ZNF587B: variants seen among roughly 807,000 people sequenced by gnomAD.
ZNF587B encodes zinc finger protein 587B.
A neutral mutation model predicts 7.2 loss-of-function variants in ZNF587B; 6 were observed. The observed-to-expected ratio is 0.83, with a 90% CI of 0.46 to 1.65. The LOEUF is 1.65. Ranked by LOEUF, ZNF587B falls within the 40% of genes most tolerant of loss-of-function variation. ZNF587B has a pLI of 0.01. For missense variants in ZNF587B, 749 were observed against 761.0 expected (o/e 0.98, Z 0.19); for synonymous variants, 274 against 254.3 (o/e 1.08, Z -0.74).
chr19:57,841,613 T>C lies in ZNF587B; in HGVS notation c.939T>C (p.Leu313=), dbSNP rs758356624. The change falls in exon 3 of 3, where the codon CTT becomes CTC. Residue 313 remains leucine, a synonymous_variant. Coordinates refer to ENST00000594901, the MANE Select transcript of ZNF587B (RefSeq NM_001376223.1). ...AATATTTTAGCTTAGAAGGATATCT[T>C]AGGCGCCATCAAAAAGTTCACGCTG... ...CGKYFSLEGY[L]RRHQKVHAGK... is the part of the protein sequence containing the mutation. The C allele has an allele frequency of 6.3e-7, 1 of 1,585,502 alleles. No homozygotes were observed. Among genetic ancestry groups the C allele is most frequent in the South Asian group, 1.1e-5 (1 of 87,912 alleles).
At chr19:57,838,930 G>A in intron 1 of ZNF587B, 93 bp from the exon 2 acceptor site, 3 of 1,446,450 alleles carry the variant, frequency 2.1e-6, no homozygotes, top group Admixed American at 2.0e-5. Context: ...GACCTTGAGA[G>A]GAGGATGTGC....
rs138980053 is a variant in ZNF587B, at chr19:57,842,142, G to T, written c.1468G>T (p.Gly490Ter). The T allele has an allele frequency of 6.8e-6, 11 of 1,612,070 alleles. No individual in the cohort carries two copies. In the East Asian group the frequency reaches 2.5e-4, roughly 36 times the overall value. Reference sequence around the variant, plus strand: ...CCTTGTACACCAGAGAATTCACAGTGGAGAGAAGCCATATGCTTGTGAGGC... The same window carrying T: ...CCTTGTACACCAGAGAATTCACAGTTGAGAGAAGCCATATGCTTGTGAGGC... Reference protein sequence around the residue: ...HLLVHQRIHSGEKPYACEACQ... With the variant: ...HLLVHQRIHS The change falls in exon 3 of 3, where the codon GGA (glycine) becomes TGA (stop). Residue 490 changes from glycine to a stop codon, truncating the protein, a stop_gained. Transcript: ENST00000594901. LOFTEE classifies it low-confidence loss of function (END_TRUNC).
At chr19:57,838,096 C>T in intron 1 of ZNF587B, among the ~76,000 whole-genome samples, 1 of 151,772 alleles carries the variant, frequency 6.6e-6, no homozygotes. Context: ...ATCACAAAGT[C>T]AGGAGTTCGA....
chr19:57,842,842 T>C lies in ZNF587B; in HGVS notation c.*266T>C. 8.1e-6 allele frequency: 8 copies of C among 985,394 alleles called. No individual in the cohort carries two copies. Among genetic ancestry groups the C allele is most frequent in the Non-Finnish European group, 9.6e-6 (8 of 829,930 alleles). The allele number at this position is 985,394 out of a possible 1,614,324, so 61.0% of individuals were successfully genotyped here. ...AATATAGGCTATTTATCCAGAAGTC[T>C]GGCTTCAAAACTCACAGGAGAGCTG... On this transcript the variant is annotated 3_prime_UTR_variant, in exon 3 of 3. Transcript: ENST00000594901.
At position 57,844,331 on chromosome 19, in the gene ZNF587B, T is replaced by A. The variant is rs8103104; in HGVS notation, c.*1755T>A. 3.1e-6 allele frequency: 1 copy of A among 326,578 alleles called. No individual in the cohort carries two copies. Among genetic ancestry groups the A allele is most frequent in the South Asian group, 2.1e-5 (1 of 48,208 alleles). The allele number at this position is 326,578 out of a possible 1,614,324, so 20.2% of individuals were successfully genotyped here. On this transcript the variant is annotated 3_prime_UTR_variant, in exon 3 of 3. Transcript: ENST00000594901. ...CAGCCTGGGCAATATAGTGAAATCCTGTCTCTTCTAAAAATATAAAAATTA... is the reference window on the plus strand; with the variant it reads ...CAGCCTGGGCAATATAGTGAAATCCAGTCTCTTCTAAAAATATAAAAATTA...
In ZNF587B at chr19:57,830,469, G is replaced by T. The variant is rs1223511687; in HGVS notation, c.-60G>T. On this transcript the variant is annotated 5_prime_UTR_variant, in exon 1 of 3. The change abolishes an upstream ATG in the 5' untranslated region. Coordinates refer to ENST00000594901, the MANE Select transcript of ZNF587B (RefSeq NM_001376223.1). ...CCTGGGCCAGGATAGGGACCGTCAT[G>T]CCCATATCTCCTGGCTGGTCACCCT... 7.8e-6 allele frequency: 12 copies of T among 1,538,700 alleles called. No individual in the cohort carries two copies. Among genetic ancestry groups the T allele is most frequent in the Non-Finnish European group, 9.7e-6 (11 of 1,139,840 alleles).
Position 57,843,362 on chromosome 19 carries a change from C to T in ZNF587B, c.*786C>T. On this transcript the variant is annotated 3_prime_UTR_variant, in exon 3 of 3. Transcript: ENST00000594901. ...CCATGTGCCCAAATTGAAAAAACTC[C>T]AGGCATGTGGCATCTGTATTATATT... is the stretch of plus-strand genomic sequence containing the variant. 5.1e-6 allele frequency: 5 copies of T among 985,342 alleles called. No homozygotes were observed. The highest frequency in any genetic ancestry group is 6.0e-6 in the Non-Finnish European group (5 of 829,916). The allele number at this position is 985,342 out of a possible 1,614,324, so 61.0% of individuals were successfully genotyped here. A position where few individuals can be genotyped will look rare whatever the true frequency, so the allele number is the denominator to read the frequency against.
Position 57,830,330 on chromosome 19 carries a change from T to A in ZNF587B, c.-199T>A. 1 of 545,914 alleles carries A rather than the reference T, an allele frequency of 1.8e-6. No individual in the cohort carries two copies. The highest frequency in any genetic ancestry group is 3.3e-5 in the Admixed American group (1 of 30,370). 33.8% of individuals were successfully genotyped at this position (545,914 alleles called of 1,614,324 possible). On this transcript the variant is annotated 5_prime_UTR_variant, in exon 1 of 3. Coordinates refer to ENST00000594901, the MANE Select transcript of ZNF587B (RefSeq NM_001376223.1). Reference sequence around the variant, plus strand: ...TGTTGGGTTTATTTGTCGGAGAGGCTCCTGAGCGCTAGGTCGGCACTGCGG... The same window carrying A: ...TGTTGGGTTTATTTGTCGGAGAGGCACCTGAGCGCTAGGTCGGCACTGCGG...
rs1568501741 is a variant in ZNF587B, at chr19:57,843,568, TTGG to T, written c.*994_*996del. 7.6e-5 allele frequency: 71 copies of T among 933,650 alleles called. 4 individuals are homozygous for T. Among genetic ancestry groups the T allele is most frequent in the Admixed American group, 2.0e-4 (3 of 15,118 alleles). 57.8% of individuals were successfully genotyped at this position (933,650 alleles called of 1,614,324 possible). On this transcript the variant is annotated 3_prime_UTR_variant, in exon 3 of 3. Transcript: ENST00000594901. Reference sequence around the variant, plus strand: ...TTTTTTTTTTAAGTTTTTTGTTTGGTTGGTTGGTTGGTTGGTTGGTTGTTTTTT... The same window carrying T: ...TTTTTTTTTTAAGTTTTTTGTTTGGTTTGGTTGGTTGGTTGGTTGTTTTTT...
Position 57,841,348 on chromosome 19 carries a change from C to T in ZNF587B, c.674C>T (p.Thr225Ile), listed in dbSNP as rs772829799. 6.2e-7 allele frequency: 1 copy of T among 1,603,304 alleles called. No individual in the cohort carries two copies. Among genetic ancestry groups the T allele is most frequent in the South Asian group, 1.1e-5 (1 of 90,088 alleles). ...GGAGATTCCATGAAACATTTTAGCA[C>T]CAAACATATACTCAGTCAGCACCAG... ...SHGDSMKHFS[T>I]KHILSQHQRL... The change falls in exon 3 of 3, where the codon ACC becomes ATC. Residue 225 changes from threonine (T) to isoleucine (I), a missense_variant. Physicochemically the swap from Thr to Ile is moderately conservative, Grantham distance 89 (BLOSUM62 -1). Transcript: ENST00000594901.
Position 57,842,311 on chromosome 19 carries a change from G to A in ZNF587B, c.1637G>A (p.Gly546Asp). 6.2e-7 allele frequency: 1 copy of A among 1,610,496 alleles called. No homozygotes were observed. The highest frequency in any genetic ancestry group is 8.5e-7 in the Non-Finnish European group (1 of 1,178,420). Residue 546 changes from glycine (G) to aspartate (D), a missense_variant, in exon 3 of 3, where the codon GGT becomes GAT. This residue lies in a region of ZNF587B where 656 missense variants were observed against 596.5 expected (regional missense o/e 1.10). Transcript: ENST00000594901. ...ATTGTTCATAAGAGAGTTCACACTG[G>A]TCAGAAGCCTTATGAGTGCAGTGAA... ...AFIVHKRVHT[G>D]QKPYECSECG...
chr19:57,842,131 G>T lies in ZNF587B; in HGVS notation c.1457G>T (p.Arg486Ile), dbSNP rs946038363. 5.4e-5 allele frequency: 87 copies of T among 1,611,256 alleles called. No homozygotes were observed. Among genetic ancestry groups the T allele is most frequent in the Non-Finnish European group, 6.9e-5 (81 of 1,178,564 alleles). Residue 486 changes from arginine (R) to isoleucine (I), a missense_variant, in exon 3 of 3, where the codon AGA becomes ATA. Physicochemically the swap from Arg to Ile is moderately conservative, Grantham distance 97. Coordinates refer to ENST00000594901, the MANE Select transcript of ZNF587B (RefSeq NM_001376223.1). ...AAGTCTCACCTCCTTGTACACCAGAGAATTCACAGTGGAGAGAAGCCATAT... is the reference window on the plus strand; with the variant it reads ...AAGTCTCACCTCCTTGTACACCAGATAATTCACAGTGGAGAGAAGCCATAT... ...KKKSHLLVHQRIHSGEKPYAC... is the reference protein window; with the variant it reads ...KKKSHLLVHQIIHSGEKPYAC...
In ZNF587B at chr19:57,838,832, G is replaced by A. The variant is rs2122230671; in HGVS notation, c.37-191G>A. Among the ~76,000 whole-genome samples the A allele has an allele frequency of 1.3e-5, 2 of 152,152 alleles. 1 individual carries two copies. Among genetic ancestry groups the A allele is most frequent in the East Asian group, 3.9e-4 (2 of 5,190 alleles). ...AGGAGTGGGTGGACTTTATGTCACA[G>A]CCACTGCACAGATACCTATTTGTTC... On this transcript the variant is annotated intron_variant, in intron 1 of 2. Coordinates refer to ENST00000594901, the MANE Select transcript of ZNF587B (RefSeq NM_001376223.1).
At chr19:57,833,926 CCCTCT>C (rs1222781378) in intron 1 of ZNF587B, among the ~76,000 whole-genome samples, 17 of 128,090 alleles carry the variant, frequency 1.3e-4, no homozygotes, top group African/African-American at 4.1e-4. Context: ...TTTTGCTGTT[CCCTCT>C]CCTCTCCTCG....
chr19:57,842,170 G>T lies in ZNF587B; in HGVS notation c.1496G>T (p.Cys499Phe), dbSNP rs762234229. The part of the protein sequence containing the change: ...SGEKPYACEA[C>F]QKFFRHKCHL... ...GAGAAGCCATATGCTTGTGAGGCTT[G>T]TCAGAAATTTTTTAGGCACAAGTGC... The change falls in exon 3 of 3, where the codon TGT becomes TTT. Residue 499 changes from cysteine (C) to phenylalanine (F), a missense_variant. Cys to Phe is a radical substitution (Grantham distance 205, BLOSUM62 -2). This residue lies in a region of ZNF587B where 656 missense variants were observed against 596.5 expected (regional missense o/e 1.10). Transcript: ENST00000594901. 11 of 1,612,860 alleles carry T rather than the reference G, an allele frequency of 6.8e-6. No homozygotes were observed. Among genetic ancestry groups the T allele is most frequent in the Non-Finnish European group, 9.3e-6 (11 of 1,179,528 alleles).
chr19:57,840,208 G>T (rs1277124892), intron 2 of ZNF587B, among the ~76,000 whole-genome samples: 1 of 151,296 alleles, frequency 6.6e-6, no homozygotes, highest in Non-Finnish European at 1.5e-5. Flanking sequence ...AAGAGAAGTA[G>T]GCACACATAA....
intron 1 of ZNF587B, among the ~76,000 whole-genome samples, chr19:57,836,607 C>T (rs1377820900): frequency 6.6e-6 from 1 of 152,086 alleles, no homozygotes; most frequent in Non-Finnish European, 1.5e-5. Context: ...GCTTCCACTT[C>T]GACCTCTCAG....
At chr19:57,832,855 A>G (rs1162393736) in intron 1 of ZNF587B, among the ~76,000 whole-genome samples, 3 of 152,278 alleles carry the variant, frequency 2.0e-5, no homozygotes, top group African/African-American at 4.8e-5. Flanking sequence ...CTTGATTAAC[A>G]TAACAGGTAG....
chr19:57,843,587 G>GTGTTTTTTTTTTTTTTTTTTTTTTTT lies in ZNF587B; in HGVS notation c.*1012_*1013insGTTTTTTTTTTTTTTTTTTTTTTTTT, dbSNP rs1988945849. On this transcript the variant is annotated 3_prime_UTR_variant, in exon 3 of 3. Transcript: ENST00000594901. Reference sequence around the variant, plus strand: ...GTTTGGTTGGTTGGTTGGTTGGTTGGTTGTTTTTTTTTGTTTTTTTTTTTT... The same window carrying GTGTTTTTTTTTTTTTTTTTTTTTTTT: ...GTTTGGTTGGTTGGTTGGTTGGTTGGTGTTTTTTTTTTTTTTTTTTTTTTTTTTGTTTTTTTTTGTTTTTTTTTTTT... 1.4e-6 allele frequency: 1 copy of GTGTTTTTTTTTTTTTTTTTTTTTTTT among 738,198 alleles called. No individual in the cohort carries two copies. The highest frequency in any genetic ancestry group is 1.6e-6 in the Non-Finnish European group (1 of 639,028). 45.7% of individuals were successfully genotyped at this position (738,198 alleles called of 1,614,324 possible).
Sources: gnomAD v4.1 joint callset for allele counts (sites outside exome capture counted in the v4.1 genomes callset) on GRCh38, gnomAD v4.1.1 for gene constraint, gnomAD v4.1.1 regional missense constraint, MANE v1.5 for transcripts, NCBI Gene and HGNC (gene_info 2026-07-23, HGNC 2026-07-21) for gene names.